The following DIAPH2 variants were observed in gnomAD, a reference collection of about 807,000 sequenced individuals.
DIAPH2 encodes diaphanous related formin 2.
In DIAPH2, 35 loss-of-function variants were observed where a neutral mutation model predicts 92.7. The ratio of observed to expected loss-of-function variants is 0.38; its 90% CI spans 0.29 to 0.50. DIAPH2 has a LOEUF of 0.50. Ranked by LOEUF, DIAPH2 falls within the 20% of genes least tolerant of loss-of-function variation. The pLI is 0.94. For missense variants in DIAPH2, 701 were observed against 819.5 expected (o/e 0.86, Z 1.77); for synonymous variants, 301 against 280.4 (o/e 1.07, Z -0.73).
intron 4 of DIAPH2, among the ~76,000 whole-genome samples, chrX:96,793,828 A>G (rs2064518879): frequency 8.9e-6 from 1 of 111,842 alleles, no homozygotes; most frequent in Non-Finnish European, 1.9e-5. Flanking sequence ...TCATAAAAAG[A>G]CCATATATCA....
Position 97,072,934 on chromosome X carries a change from C to T in DIAPH2, c.2051-7C>T. The T allele has an allele frequency of 1.7e-6, 2 of 1,162,439 alleles. No individual in the cohort carries two copies. Among genetic ancestry groups the T allele is most frequent in the South Asian group, 3.9e-5 (2 of 51,877 alleles). On this transcript the variant is annotated splice_region_variant and splice_polypyrimidine_tract_variant and intron_variant, in intron 17 of 26. Coordinates refer to ENST00000324765, the MANE Select transcript of DIAPH2 (RefSeq NM_006729.5). ...TATTGTTTATGAATCAACATTTTTT[C>T]TTTCAGTTCAAAAGAACGCAGAAGC...
intron 26 of DIAPH2, among the ~76,000 whole-genome samples, chrX:97,531,353 A>G (rs1602651714): frequency 9.0e-6 from 1 of 111,241 alleles, no homozygotes; most frequent in Middle Eastern, 4.6e-3. Context: ...TAGAAGAAAT[A>G]GAAATAACAT....
chrX:97,232,451 T>A (rs1323395919), intron 22 of DIAPH2, among the ~76,000 whole-genome samples: 2 of 111,572 alleles, frequency 1.8e-5, no homozygotes, highest in Non-Finnish European at 3.8e-5. Context: ...GCCAGGCTGG[T>A]CTCGAACTCA....
intron 1 of DIAPH2, 145 bp from the exon 2 acceptor site, chrX:96,735,613 A>G (rs956999370): frequency 1.1e-4 from 43 of 392,615 alleles, no homozygotes; most frequent in Admixed American, 2.0e-4. Context: ...TAAAGAATGT[A>G]TTGTTTATAT....
intron 17 of DIAPH2, among the ~76,000 whole-genome samples, chrX:96,995,095 A>G (rs1292683128): frequency 2.7e-5 from 3 of 111,959 alleles, no homozygotes; most frequent in Non-Finnish European, 5.6e-5. Flanking sequence ...AATGAAGAAC[A>G]ATATGATATA....
intron 23 of DIAPH2, among the ~76,000 whole-genome samples, chrX:97,288,579 A>G (rs1018522977): frequency 9.1e-6 from 1 of 109,999 alleles, no homozygotes; most frequent in African/African-American, 3.3e-5. Flanking sequence ...CATCTCTACT[A>G]AAAGTACAAA....
intron 21 of DIAPH2, among the ~76,000 whole-genome samples, chrX:97,126,241 A>G (rs1158501838): frequency 8.9e-6 from 1 of 111,792 alleles, no homozygotes; most frequent in Non-Finnish European, 1.9e-5. Context: ...CCAAAAACAT[A>G]GCTACCATGA....
rs60721723 is a variant in DIAPH2 at position 97,112,765 on chromosome X, C to CTTTTTTTTTT, written c.2350-1940_2350-1931dup. The stretch of plus-strand genomic sequence containing the variant: ...CTTCCTTCCTTCTTTCCCTTTCTTT[C>CTTTTTTTTTT]TTTTTTTTTTTTTTTTTTTTTTTTT... On this transcript the variant is annotated intron_variant, in intron 20 of 26. Transcript: ENST00000324765. 1.1e-3 allele frequency among the ~76,000 whole-genome samples: 41 copies of CTTTTTTTTTT among 37,244 alleles called. 3 individuals carry two copies. Among genetic ancestry groups the CTTTTTTTTTT allele is most frequent in the African/African-American group, 3.8e-3 (31 of 8,247 alleles). The allele number at this position is 37,244 out of a possible 115,157, so 32.3% of individuals were successfully genotyped here. A position where few individuals can be genotyped will look rare whatever the true frequency, so the allele number is the denominator to read the frequency against.
chrX:97,126,971 C>CG (rs1441078891), intron 21 of DIAPH2, among the ~76,000 whole-genome samples: 1 of 112,452 alleles, frequency 8.9e-6, no homozygotes, highest in Non-Finnish European at 1.9e-5. Context: ...GCTCTCTTCC[C>CG]TTTTATGCTA....
At chrX:97,036,724 G>T (rs140711883) in intron 17 of DIAPH2, among the ~76,000 whole-genome samples, 1,182 of 111,896 alleles carry the variant, frequency 0.011, 12 homozygotes, top group African/African-American at 0.036. Flanking sequence ...CATTATCAGG[G>T]CACCTTTTGA....
At chrX:97,375,119 A>G (rs2069486373) in intron 24 of DIAPH2, among the ~76,000 whole-genome samples, 1 of 111,890 alleles carries the variant, frequency 8.9e-6, no homozygotes, top group South Asian at 3.7e-4. Context: ...TGTGTTTCCT[A>G]TCACCTCTTT....
chrX:96,806,673 G>GAA (rs1333217065), intron 4 of DIAPH2, among the ~76,000 whole-genome samples: 1 of 83,341 alleles, frequency 1.2e-5, no homozygotes, highest in Non-Finnish European at 2.3e-5. Flanking sequence ...AAGAAACAAA[G>GAA]AAATTATATT....
chrX:96,777,713 A>G (rs1204407273), intron 4 of DIAPH2, among the ~76,000 whole-genome samples: 4 of 111,607 alleles, frequency 3.6e-5, no homozygotes, highest in Non-Finnish European at 7.5e-5. Context: ...TTTCTGAGTT[A>G]TCACATTTTA....
intron 22 of DIAPH2, among the ~76,000 whole-genome samples, chrX:97,216,644 A>G (rs747283403): frequency 9.0e-6 from 1 of 110,929 alleles, no homozygotes; most frequent in South Asian, 3.8e-4. Context: ...TTGTTAAGAG[A>G]AGAAGGGGGT....
chrX:97,523,513 C>T (rs1398535382), intron 26 of DIAPH2, among the ~76,000 whole-genome samples: 1 of 111,513 alleles, frequency 9.0e-6, no homozygotes, highest in Non-Finnish European at 1.9e-5. Flanking sequence ...GTTAATAATA[C>T]CGTATGCCAA....
intron 17 of DIAPH2, among the ~76,000 whole-genome samples, chrX:96,972,815 G>C (rs184657775): frequency 9.0e-6 from 1 of 111,392 alleles, no homozygotes; most frequent in East Asian, 2.8e-4. Context: ...AATACCATCA[G>C]TAAAATGTTA....
chrX:97,172,026 A>G (rs2067458320), intron 22 of DIAPH2, among the ~76,000 whole-genome samples: 2 of 111,916 alleles, frequency 1.8e-5, no homozygotes, highest in African/African-American at 6.5e-5. Flanking sequence ...AGGCACAAAT[A>G]TAAACATTGT....
chrX:97,166,885 T>A (rs2067415910), intron 22 of DIAPH2, among the ~76,000 whole-genome samples: 1 of 112,300 alleles, frequency 8.9e-6, no homozygotes. Context: ...CTGTATATTA[T>A]GTATACATAA....
At chrX:96,900,920 T>G (rs1284899147) in intron 5 of DIAPH2, among the ~76,000 whole-genome samples, 2 of 111,814 alleles carry the variant, frequency 1.8e-5, no homozygotes, top group Non-Finnish European at 3.8e-5. Flanking sequence ...TGGTCTGCAG[T>G]TTTCTTTTTT....
Sources: allele counts gnomAD v4.1 joint callset (sites outside exome capture counted in the v4.1 genomes callset), GRCh38; gene constraint gnomAD v4.1.1; transcripts MANE v1.5; gene names NCBI Gene and HGNC (gene_info 2026-07-23, HGNC 2026-07-21).